LIG1: variants seen among roughly 807,000 people sequenced by gnomAD.
LIG1 encodes ligase I, DNA, ATP-dependent.
In LIG1, 70 loss-of-function variants were observed where a neutral mutation model predicts 115.7. That is an observed-to-expected ratio of 0.60 (90% CI 0.50 to 0.74). LIG1 has a LOEUF of 0.74. Among genes scored for constraint, LIG1 ranks in the 30% least tolerant of loss-of-function variants. The probability of loss-of-function intolerance (pLI) is 0.00; values close to 1 mark genes in which losing one functional copy is unlikely to be tolerated. For missense variants in LIG1, 1,115 were observed against 1,225.6 expected (o/e 0.91, Z 1.35); for synonymous variants, 487 against 495.3 (o/e 0.98, Z 0.22).
intron 2 of LIG1, among the ~76,000 whole-genome samples, chr19:48,163,671 T>C (rs942407322): frequency 1.3e-5 from 2 of 149,686 alleles, no homozygotes; most frequent in African/African-American, 4.9e-5. Context: ...GGGCCTGGCA[T>C]GGTGGCTCAC....
chr19:48,147,255 T>A (rs1170936945), intron 9 of LIG1: 1 of 151,608 alleles, frequency 6.6e-6, no homozygotes, highest in East Asian at 1.9e-4. Flanking sequence ...TTTCCGTTAA[T>A]TTTTTTTTAG....
chr19:48,161,942 A>C (rs964094905), intron 3 of LIG1, among the ~76,000 whole-genome samples: 1 of 152,000 alleles, frequency 6.6e-6, no homozygotes, highest in African/African-American at 2.4e-5. Flanking sequence ...CATTTCAAAA[A>C]AAAAAGAGTA....
intron 26 of LIG1, among the ~76,000 whole-genome samples, chr19:48,116,353 G>A (rs987274161): frequency 6.6e-6 from 1 of 151,676 alleles, no homozygotes; most frequent in African/African-American, 2.4e-5. Context: ...AGCTGAGGCA[G>A]GAGAATGGCG....
chr19:48,127,358 G>C lies in LIG1; in HGVS notation c.1933-10C>G. ...CAGACGCATCCACCTCCTGGGTTGG[G>C]GCACAACGGAGTTCGTGAGTGCAGG... On this transcript the variant is annotated splice_polypyrimidine_tract_variant and intron_variant, in intron 20 of 27. Coordinates refer to ENST00000263274, the MANE Select transcript of LIG1 (RefSeq NM_000234.3). 1 of 1,612,056 alleles carries C rather than the reference G, an allele frequency of 6.2e-7. No homozygotes were observed. The highest frequency in any genetic ancestry group is 8.5e-7 in the Non-Finnish European group (1 of 1,179,868).
At chr19:48,145,724 C>T (rs957054727) in intron 9 of LIG1, among the ~76,000 whole-genome samples, 1 of 152,202 alleles carries the variant, frequency 6.6e-6, no homozygotes, top group Non-Finnish European at 1.5e-5. Context: ...AATGCTGCCA[C>T]TCCCCACCTG....
chr19:48,162,352 C>T lies in LIG1; in HGVS notation c.18-1G>A. On this transcript the variant is annotated splice_acceptor_variant, in intron 2 of 27. Coordinates refer to ENST00000263274, the MANE Select transcript of LIG1 (RefSeq NM_000234.3). LOFTEE classifies it high-confidence loss of function. ...CTCTTTCTTGGGGTGGAAAAATGACCTAGAGGAGCATAAAAGGGGGTAAAA... is the reference window on the plus strand; with the variant it reads ...CTCTTTCTTGGGGTGGAAAAATGACTTAGAGGAGCATAAAAGGGGGTAAAA... 6.2e-7 allele frequency: 1 copy of T among 1,612,298 alleles called. No homozygotes were observed. Among genetic ancestry groups the T allele is most frequent in the Non-Finnish European group, 8.5e-7 (1 of 1,178,692 alleles).
At chr19:48,121,086 G>T in intron 24 of LIG1, 84 bp downstream of exon 24, 1 of 1,610,230 alleles carries the variant, frequency 6.2e-7, no homozygotes, top group East Asian at 2.2e-5. Context: ...GCACCCCTCG[G>T]TCTGGGTTGT....
At chr19:48,165,313 G>A (rs1252384748) in intron 2 of LIG1, among the ~76,000 whole-genome samples, 1 of 152,024 alleles carries the variant, frequency 6.6e-6, no homozygotes, top group African/African-American at 2.4e-5. Context: ...CAAAATTGCT[G>A]CTGACTGAGA....
intron 4 of LIG1, 114 bp downstream of exon 4, chr19:48,161,258 A>G (rs547367557): frequency 6.8e-7 from 1 of 1,467,496 alleles, no homozygotes; most frequent in South Asian, 1.1e-5. Context: ...AAACACATCT[A>G]CCTCTCCCGG....
At chr19:48,133,281 T>A in intron 17 of LIG1, 184 bp from the exon 18 acceptor site, 1 of 603,768 alleles carries the variant, frequency 1.7e-6, no homozygotes, top group Non-Finnish European at 3.0e-6. Context: ...CGGCCTTCCT[T>A]CCAGGTGGGA....
At chr19:48,160,556 AG>A (rs2036114836) in intron 4 of LIG1, among the ~76,000 whole-genome samples, 1 of 152,140 alleles carries the variant, frequency 6.6e-6, no homozygotes, top group African/African-American at 2.4e-5. Flanking sequence ...AGGGAGTCAC[AG>A]GACCTGACCT....
At chr19:48,140,777 G>A (rs774675320) in intron 11 of LIG1, among the ~76,000 whole-genome samples, 2 of 151,782 alleles carry the variant, frequency 1.3e-5, no homozygotes, top group African/African-American at 2.4e-5. Flanking sequence ...ACCTCCCTTC[G>A]ACCCCCTGTG....
rs1045075758 is a variant in LIG1, at chr19:48,135,893, C to T, written c.1424-114G>A. The T allele has an allele frequency of 7.4e-6, 5 of 678,490 alleles. No individual in the cohort carries two copies. In the African/African-American group the frequency reaches 9.0e-5, roughly 12 times the overall value. 42.0% of individuals were successfully genotyped at this position (678,490 alleles called of 1,614,324 possible). A position where few individuals can be genotyped will look rare whatever the true frequency, so the allele number is the denominator to read the frequency against. On this transcript the variant is annotated intron_variant, in intron 15 of 27. Coordinates refer to ENST00000263274, the MANE Select transcript of LIG1 (RefSeq NM_000234.3). ...ATGCAGATGCCGCGGCCCAAGACGC[C>T]CCCTCCCCCCCACCCAGGAGAGAGG... is the stretch of plus-strand genomic sequence containing the variant.
Position 48,157,594 on chromosome 19 carries a change from G to C in LIG1, c.244-454C>G, listed in dbSNP as rs918711608. On this transcript the variant is annotated intron_variant, in intron 4 of 27. Coordinates refer to ENST00000263274, the MANE Select transcript of LIG1 (RefSeq NM_000234.3). ...GGGTGTCATTCTGTCGCCCAGGCTG[G>C]AGTGCAGTGGCGCGATCTCGGCTCA... 5.9e-5 allele frequency among the ~76,000 whole-genome samples: 9 copies of C among 152,208 alleles called. No individual in the cohort carries two copies. In the South Asian group the frequency reaches 1.7e-3, roughly 28 times the overall value.
At chr19:48,151,423 C>CATCTG (rs1228026868) in intron 6 of LIG1, 84 bp from the exon 7 acceptor site, 1 of 836,240 alleles carries the variant, frequency 1.2e-6, no homozygotes, top group Non-Finnish European at 2.1e-6. Flanking sequence ...AGTCTGCCCT[C>CATCTG]ATCTGTCATC....
At chr19:48,127,797 GCATC>G in intron 20 of LIG1, 109 bp downstream of exon 20, 1 of 881,612 alleles carries the variant, frequency 1.1e-6, no homozygotes, top group Non-Finnish European at 1.9e-6. Context: ...TGAGAGAAGT[GCATC>G]CAGACTGACA....
chr19:48,156,855 C>T (rs373045275), intron 5 of LIG1, among the ~76,000 whole-genome samples, 159 bp downstream of exon 5: 20 of 147,254 alleles, frequency 1.4e-4, no homozygotes, highest in South Asian at 6.5e-4. Flanking sequence ...GCAGGAGAAT[C>T]GTTTGAACCC....
intron 19 of LIG1, among the ~76,000 whole-genome samples, chr19:48,129,810 C>CAGTG (rs1555768841): frequency 6.6e-6 from 1 of 152,150 alleles, no homozygotes. Flanking sequence ...GGCTAGAGTA[C>CAGTG]AGTGGCCCGA....
rs1030180983 is a variant in LIG1 at position 48,157,204 on chromosome 19, TGA to T, written c.244-66_244-65del. 1.9e-4 allele frequency: 288 copies of T among 1,544,272 alleles called. 1 individual carries two copies. Among genetic ancestry groups the T allele is most frequent in the South Asian group, 1.1e-3 (94 of 84,376 alleles). ...AGGAGGGACTCCATTTTCCAAAAGTTGAGAGTAGAGGGGACTGAAACCTCTCT... is the reference window on the plus strand; with the variant it reads ...AGGAGGGACTCCATTTTCCAAAAGTTGAGTAGAGGGGACTGAAACCTCTCT... On this transcript the variant is annotated intron_variant, in intron 4 of 27. Transcript: ENST00000263274.
Sources: gnomAD v4.1 joint callset for allele counts (sites outside exome capture counted in the v4.1 genomes callset) on GRCh38, gnomAD v4.1.1 for gene constraint, MANE v1.5 for transcripts, NCBI Gene and HGNC (gene_info 2026-07-23, HGNC 2026-07-21) for gene names.